AP1S3: variants seen among roughly 807,000 people sequenced by gnomAD.
The protein encoded by AP1S3 is AP-1 complex subunit sigma-3.
AP1S3 carries 10 observed loss-of-function variants against 20.9 expected under a neutral mutation model. The ratio of observed to expected loss-of-function variants is 0.48; its 90% CI spans 0.29 to 0.81. AP1S3 has a LOEUF of 0.81. AP1S3 is among the 30% of genes least tolerant of loss of function. The pLI is 0.08. For missense variants in AP1S3, 154 were observed against 183.8 expected, an observed-to-expected ratio of 0.84 and a Z score of 0.94; for synonymous variants, 41 against 61.5, an observed-to-expected ratio of 0.67 and a Z score of 1.56.
chr2:223,823,993 C>T (rs13421277), intron 1 of AP1S3, among the ~76,000 whole-genome samples: 48,942 of 151,862 alleles, frequency 0.32, 8,301 homozygotes, highest in Middle Eastern at 0.43. Flanking sequence ...AAATAGTAGA[C>T]GGTTTGTCGT....
chr2:223,825,264 G>A (rs535634478), intron 1 of AP1S3, among the ~76,000 whole-genome samples: 12 of 151,672 alleles, frequency 7.9e-5, no homozygotes, highest in South Asian at 4.2e-4. Flanking sequence ...AGTGAGCTGA[G>A]ATCGCGCCAC....
At chr2:223,808,709 A>C (rs1202052449) in intron 1 of AP1S3, among the ~76,000 whole-genome samples, 1 of 152,204 alleles carries the variant, frequency 6.6e-6, no homozygotes, top group Non-Finnish European at 1.5e-5. Flanking sequence ...TTTTTCAATA[A>C]AATTTAATAG....
intron 3 of AP1S3, chr2:223,773,227 CA>C (rs1290182341): frequency 8.2e-7 from 1 of 1,219,642 alleles, no homozygotes; most frequent in African/African-American, 1.6e-5. Context: ...CACATTATCA[CA>C]GTTGGTTTAA....
At position 223,757,146 on chromosome 2, in the gene AP1S3, T is replaced by C. The variant is rs624938; in HGVS notation, c.*1569A>G. 0.12 allele frequency: 38,180 copies of C among 306,784 alleles called. 6,035 individuals carry two copies. The highest frequency in any genetic ancestry group is 0.46 in the African/African-American group (20,311 of 44,060). 19.0% of individuals were successfully genotyped at this position (306,784 alleles called of 1,614,324 possible). On this transcript the variant is annotated 3_prime_UTR_variant, in exon 5 of 5. Coordinates refer to ENST00000396654, the MANE Select transcript of AP1S3 (RefSeq NM_001039569.2). ...CTGGGATTACAGGCACCTGCCACCA[T>C]GCCCGGCTAATTTTTTTGTTTGTTT... is the stretch of plus-strand genomic sequence containing the variant.
chr2:223,817,294 G>T (rs984361311), intron 1 of AP1S3, among the ~76,000 whole-genome samples: 2 of 152,034 alleles, frequency 1.3e-5, no homozygotes, highest in African/African-American at 4.8e-5. Context: ...GCAATGGTCT[G>T]CTTAGAGTCC....
chr2:223,796,369 A>G (rs1251396417), intron 1 of AP1S3, among the ~76,000 whole-genome samples: 31 of 152,188 alleles, frequency 2.0e-4, no homozygotes. Flanking sequence ...TTTCACAGGT[A>G]CCCCAGAAGG....
At chr2:223,830,775 T>G (rs1007634505) in intron 1 of AP1S3, among the ~76,000 whole-genome samples, 1 of 152,138 alleles carries the variant, frequency 6.6e-6, no homozygotes, top group Non-Finnish European at 1.5e-5. Flanking sequence ...CACTTATTCT[T>G]AACTGACTGT....
At chr2:223,761,155 A>C (rs1690344538) in intron 4 of AP1S3, among the ~76,000 whole-genome samples, 1 of 152,226 alleles carries the variant, frequency 6.6e-6, no homozygotes, top group Non-Finnish European at 1.5e-5. Context: ...GCAGACTTTT[A>C]GAGCTGGCAG....
chr2:223,816,397 C>T (rs10174440), intron 1 of AP1S3, among the ~76,000 whole-genome samples: 49,882 of 151,636 alleles, frequency 0.33, 8,572 homozygotes, highest in Middle Eastern at 0.43. Context: ...AGAGATCAAA[C>T]GGTCTTTTTA....
intron 4 of AP1S3, among the ~76,000 whole-genome samples, chr2:223,761,852 C>G (rs781615514): frequency 1.3e-5 from 2 of 151,024 alleles, no homozygotes; most frequent in African/African-American, 2.4e-5. Flanking sequence ...CATGAGCCAT[C>G]GCATCTGGCC....
Position 223,765,210 on chromosome 2 carries a change from G to C in AP1S3, c.429+3C>G, listed in dbSNP as rs1433281491. ...CTCCCATGGTTTGGGAAACCGTACT[G>C]ACCTCCTGTAACATATCAGAGTCTT... is the stretch of plus-strand genomic sequence containing the variant. On this transcript the variant is annotated splice_donor_region_variant and intron_variant, in intron 4 of 4. Coordinates refer to ENST00000396654, the MANE Select transcript of AP1S3 (RefSeq NM_001039569.2). The C allele has an allele frequency of 6.2e-7, 1 of 1,612,406 alleles. No homozygotes were observed. Among genetic ancestry groups the C allele is most frequent in the African/African-American group, 1.3e-5 (1 of 74,750 alleles).
intron 1 of AP1S3, among the ~76,000 whole-genome samples, chr2:223,822,933 A>G (rs998477403): frequency 6.6e-6 from 1 of 152,144 alleles, no homozygotes; most frequent in African/African-American, 2.4e-5. Context: ...AAGAACCTAC[A>G]TAGACATTTC....
intron 1 of AP1S3, among the ~76,000 whole-genome samples, chr2:223,831,883 T>C (rs887291936): frequency 1.3e-5 from 2 of 152,062 alleles, no homozygotes; most frequent in Non-Finnish European, 2.9e-5. Flanking sequence ...AAGACCATCC[T>C]GGCTAACACG....
chr2:223,828,058 T>TAAAAAAAAAAAAAAAAAAAAAAAAAA lies in AP1S3; in HGVS notation c.3+9364_3+9389dup, dbSNP rs527671959. Among the ~76,000 whole-genome samples the TAAAAAAAAAAAAAAAAAAAAAAAAAA allele has an allele frequency of 2.3e-4, 22 of 94,668 alleles. 1 individual carries two copies. Among genetic ancestry groups the TAAAAAAAAAAAAAAAAAAAAAAAAAA allele is most frequent in the East Asian group, 7.0e-4 (2 of 2,854 alleles). 62.1% of individuals were successfully genotyped at this position (94,668 alleles called of 152,430 possible). Reference sequence around the variant, plus strand: ...TGGGGTACAAGAGCAAGACTTCATCTAAAAAAAAAAAAAAAAAAAAAAAAA... The same window carrying TAAAAAAAAAAAAAAAAAAAAAAAAAA: ...TGGGGTACAAGAGCAAGACTTCATCTAAAAAAAAAAAAAAAAAAAAAAAAAAAAAAAAAAAAAAAAAAAAAAAAAAA... On this transcript the variant is annotated intron_variant, in intron 1 of 4. Coordinates refer to ENST00000396654, the MANE Select transcript of AP1S3 (RefSeq NM_001039569.2).
chr2:223,820,738 C>T (rs1453834697), intron 1 of AP1S3, among the ~76,000 whole-genome samples: 1 of 151,508 alleles, frequency 6.6e-6, no homozygotes, highest in Non-Finnish European at 1.5e-5. Context: ...AGAAAATTTC[C>T]TTTGCAAATC....
chr2:223,818,689 A>G (rs1394124665), intron 1 of AP1S3, among the ~76,000 whole-genome samples: 1 of 152,022 alleles, frequency 6.6e-6, no homozygotes. Context: ...ACTAGCTGGG[A>G]TTACAGGCAT....
At chr2:223,764,011 C>T (rs959001177) in intron 4 of AP1S3, among the ~76,000 whole-genome samples, 5 of 152,176 alleles carry the variant, frequency 3.3e-5, no homozygotes, top group Non-Finnish European at 7.4e-5. Flanking sequence ...CTCCGCCTCC[C>T]GGGTTCCAGT....
intron 1 of AP1S3, among the ~76,000 whole-genome samples, chr2:223,833,051 G>C (rs867123134): frequency 6.6e-6 from 1 of 151,956 alleles, no homozygotes; most frequent in Non-Finnish European, 1.5e-5. Flanking sequence ...TTTCCAAAGG[G>C]ATCAACATTT....
chr2:223,757,136 C>T lies in AP1S3; in HGVS notation c.*1579G>A, dbSNP rs979344635. On this transcript the variant is annotated 3_prime_UTR_variant, in exon 5 of 5. Coordinates refer to ENST00000396654, the MANE Select transcript of AP1S3 (RefSeq NM_001039569.2). The stretch of plus-strand genomic sequence containing the variant: ...CCCTGAGTAGCTGGGATTACAGGCA[C>T]CTGCCACCATGCCCGGCTAATTTTT... 5.5e-6 allele frequency: 2 copies of T among 361,774 alleles called. No individual in the cohort carries two copies. The highest frequency in any genetic ancestry group is 7.7e-6 in the Non-Finnish European group (2 of 259,662). The allele number at this position is 361,774 out of a possible 1,614,324, so 22.4% of individuals were successfully genotyped here.
Sources: allele counts gnomAD v4.1 joint callset (sites outside exome capture counted in the v4.1 genomes callset), GRCh38; gene constraint gnomAD v4.1.1; transcripts MANE v1.5; gene names NCBI Gene and HGNC (gene_info 2026-07-23, HGNC 2026-07-21).